SFXN5: variants seen among roughly 807,000 people sequenced by gnomAD.
SFXN5 encodes sideroflexin 5.
In SFXN5, 43 loss-of-function variants were observed where a neutral mutation model predicts 50.2. That is an observed-to-expected ratio of 0.86 (90% confidence interval 0.67 to 1.11). SFXN5 has a LOEUF of 1.11. Among genes scored for constraint, SFXN5 ranks in the 50% least tolerant of loss-of-function variants. SFXN5 has a pLI of 0.00. For missense variants in SFXN5, 463 were observed against 454.1 expected (o/e 1.02, Z -0.18); for synonymous variants, 203 against 185.8 (o/e 1.09, Z -0.75).
At chr2:72,981,714 C>T (rs2105521892) in intron 10 of SFXN5, among the ~76,000 whole-genome samples, 1 of 152,332 alleles carries the variant, frequency 6.6e-6, no homozygotes, top group South Asian at 2.1e-4. Flanking sequence ...AGTTCTGAGG[C>T]TGCCACCAAT....
At chr2:73,029,429 G>GT (rs11372880) in intron 3 of SFXN5, among the ~76,000 whole-genome samples, 9,897 of 150,442 alleles carry the variant, frequency 0.066, 895 homozygotes, top group African/African-American at 0.21. Flanking sequence ...CAAATGAGCA[G>GT]TTTTTTTTTT....
At chr2:72,989,223 C>G (rs1054709106) in intron 9 of SFXN5, among the ~76,000 whole-genome samples, 1 of 152,162 alleles carries the variant, frequency 6.6e-6, no homozygotes, top group African/African-American at 2.4e-5. Context: ...GCCATGGGGC[C>G]TTTGCAGTGC....
At chr2:73,025,321 C>T (rs1467997833) in intron 3 of SFXN5, among the ~76,000 whole-genome samples, 1 of 152,098 alleles carries the variant, frequency 6.6e-6, no homozygotes, top group Non-Finnish European at 1.5e-5. Context: ...CTGCATCCTC[C>T]CACCTCTGGA....
At chr2:72,964,878 T>C (rs868638177) in intron 12 of SFXN5, among the ~76,000 whole-genome samples, 4 of 152,204 alleles carry the variant, frequency 2.6e-5, no homozygotes, top group Admixed American at 6.5e-5. Context: ...GGTCCCAGGC[T>C]GGACGGGTTC....
At chr2:72,959,672 G>A (rs1332690280) in intron 13 of SFXN5, among the ~76,000 whole-genome samples, 1 of 151,794 alleles carries the variant, frequency 6.6e-6, no homozygotes, top group Non-Finnish European at 1.5e-5. Flanking sequence ...GGGTCTCCCC[G>A]TGCCAAGGCT....
chr2:72,967,016 C>T (rs548561154), intron 12 of SFXN5, among the ~76,000 whole-genome samples: 2 of 152,218 alleles, frequency 1.3e-5, no homozygotes, highest in East Asian at 3.8e-4. Flanking sequence ...AAGAGGCAGC[C>T]AGTGTAGCTT....
rs113996436 is a variant in SFXN5, at chr2:73,059,572, A to C, written c.103-976T>G. The C allele has an allele frequency of 6.6e-4, 646 of 985,236 alleles. 4 individuals are homozygous for C. The African/African-American group carries it at 0.01, about 15-fold the overall frequency. The allele number at this position is 985,236 out of a possible 1,614,324, so 61.0% of individuals were successfully genotyped here. A position where few individuals can be genotyped will look rare whatever the true frequency, so the allele number is the denominator to read the frequency against. On this transcript the variant is annotated intron_variant, in intron 1 of 13. Transcript: ENST00000272433. The stretch of plus-strand genomic sequence containing the variant: ...TGCAATAGGCTCCAGGTCACCTCAA[A>C]GTCCCCCCACACACCAGTTCTCATC...
chr2:73,041,363 G>C (rs1380539425), intron 2 of SFXN5, among the ~76,000 whole-genome samples: 1 of 152,170 alleles, frequency 6.6e-6, no homozygotes, highest in African/African-American at 2.4e-5. Flanking sequence ...ACTTGGCAAG[G>C]GGTGTCACAA....
In SFXN5 at chr2:72,953,638, A is replaced by G. The variant is rs991240114; in HGVS notation, c.945+7493T>C. ...TCTACTGTCCTAAGGGGGAAGATGG[A>G]ACACAGAAAACACACCACCAGAGCC... On this transcript the variant is annotated intron_variant, in intron 13 of 13. Transcript: ENST00000272433. The surrounding 1 kb of genome is among the most constrained non-coding windows in gnomAD (Gnocchi z 4.1). Among the ~76,000 whole-genome samples, 5 of 142,112 alleles carry G rather than the reference A, an allele frequency of 3.5e-5. No individual in the cohort carries two copies. The highest frequency in any genetic ancestry group is 1.3e-4 in the African/African-American group (5 of 38,228). The allele number at this position is 142,112 out of a possible 152,430, so 93.2% of individuals were successfully genotyped here.
chr2:73,052,379 T>TGTGTGTGTATGC (rs1460872876), intron 2 of SFXN5, among the ~76,000 whole-genome samples: 10 of 151,304 alleles, frequency 6.6e-5, no homozygotes, highest in African/African-American at 2.2e-4. Context: ...TGTGTGTGTG[T>TGTGTGTGTATGC]GTGTGTGTGT....
intron 11 of SFXN5, among the ~76,000 whole-genome samples, chr2:72,971,218 C>A (rs1442075638): frequency 6.6e-6 from 1 of 152,140 alleles, no homozygotes; most frequent in Non-Finnish European, 1.5e-5. Flanking sequence ...GATGTGAAGG[C>A]CCGGGAGGTA....
At chr2:72,996,415 T>C (rs1410798901) in intron 9 of SFXN5, 4 of 150,924 alleles carry the variant, frequency 2.7e-5, no homozygotes, top group Admixed American at 2.6e-4. Context: ...CCCTGGCAAG[T>C]GGTTGGGACG....
intron 12 of SFXN5, among the ~76,000 whole-genome samples, chr2:72,967,476 C>T (rs946409440): frequency 6.6e-6 from 1 of 152,134 alleles, no homozygotes; most frequent in East Asian, 1.9e-4. Flanking sequence ...GAGGGGGTGG[C>T]ATTCGGGCAG....
intron 12 of SFXN5, chr2:72,967,425 A>C (rs777051454): frequency 6.6e-6 from 1 of 152,146 alleles, no homozygotes; most frequent in Non-Finnish European, 1.5e-5. Context: ...AAATAATGAG[A>C]AATGGTGAAT....
At chr2:73,022,466 G>A (rs918022960) in intron 5 of SFXN5, 56 bp downstream of exon 5, 16 of 1,352,688 alleles carry the variant, frequency 1.2e-5, no homozygotes, top group African/African-American at 2.9e-5. Context: ...TCCTGGAACT[G>A]TGACTGGAGT....
At position 72,971,613 on chromosome 2, in the gene SFXN5, C is replaced by T. The variant is rs958719663; in HGVS notation, c.698G>A (p.Ser233Asn). The T allele has an allele frequency of 2.5e-6, 4 of 1,614,004 alleles. No individual in the cohort carries two copies. The highest frequency in any genetic ancestry group is 3.4e-6 in the Non-Finnish European group (4 of 1,180,010). ...ELEEGIDVLD[S>N]DGNLVGSSKI... ...GGAGGAGCCCACGAGGTTGCCATCG[C>T]TGTCCAGGACATCAATCCCTTCCTC... The change falls in exon 11 of 14, where the codon AGC becomes AAC. Residue 233 changes from serine to asparagine, a missense_variant. Transcript: ENST00000272433.
At chr2:73,050,396 A>ACACG (rs1681128558) in intron 2 of SFXN5, among the ~76,000 whole-genome samples, 1 of 148,538 alleles carries the variant, frequency 6.7e-6, no homozygotes, top group African/African-American at 2.5e-5. Flanking sequence ...GCGCACGCAC[A>ACACG]CACACACACA....
intron 3 of SFXN5, among the ~76,000 whole-genome samples, chr2:73,036,626 AAT>A (rs1679015617): frequency 6.6e-6 from 1 of 152,114 alleles, no homozygotes; most frequent in Non-Finnish European, 1.5e-5. Flanking sequence ...AAGAGGAGGA[AAT>A]GTGGCTTCAT....
chr2:72,965,025 A>T (rs1674208754), intron 12 of SFXN5, among the ~76,000 whole-genome samples: 1 of 152,152 alleles, frequency 6.6e-6, no homozygotes, highest in South Asian at 2.1e-4. Context: ...TTCCTGCCCA[A>T]ATGTTGCATT....
Sources: gnomAD v4.1 joint callset for allele counts (sites outside exome capture counted in the v4.1 genomes callset) on GRCh38, gnomAD v4.1.1 for gene constraint, Gnocchi (gnomAD v3.1) non-coding constraint, MANE v1.5 for transcripts, NCBI Gene and HGNC (gene_info 2026-07-23, HGNC 2026-07-21) for gene names.